The following TMPRSS9 variants were observed in gnomAD, a reference collection of about 807,000 sequenced individuals.
TMPRSS9 encodes the protein transmembrane protease serine 9.
TMPRSS9 carries 113 observed loss-of-function variants against 111.4 expected under a neutral mutation model. The ratio of observed to expected loss-of-function variants is 1.01; its 90% confidence interval spans 0.87 to 1.19. The LOEUF is 1.19. Among genes scored for constraint, TMPRSS9 ranks in the 50% most tolerant of loss-of-function variants. The pLI is 0.00. For missense variants in TMPRSS9, 1,803 were observed against 1,513.1 expected (o/e 1.19, Z -3.18); for synonymous variants, 805 against 659.1 (o/e 1.22, Z -3.39).
chr19:2,392,890 C>A (rs1199980732), intron 1 of TMPRSS9, among the ~76,000 whole-genome samples: 1 of 152,234 alleles, frequency 6.6e-6, no homozygotes, highest in Admixed American at 6.5e-5. Flanking sequence ...ATGCACCAAT[C>A]GCACCAATCA....
intron 1 of TMPRSS9, among the ~76,000 whole-genome samples, chr19:2,382,655 A>G (rs971651124): frequency 1.4e-5 from 2 of 146,350 alleles, no homozygotes; most frequent in African/African-American, 2.5e-5. Context: ...ACATGCACAC[A>G]TACACACATG....
chr19:2,371,424 C>T (rs749403114), intron 1 of TMPRSS9, among the ~76,000 whole-genome samples: 10 of 152,160 alleles, frequency 6.6e-5, no homozygotes, highest in Non-Finnish European at 1.3e-4. Context: ...CAGCGGCTCA[C>T]GCCTGTAATC....
intron 14 of TMPRSS9, 107 bp from the exon 16 acceptor site, chr19:2,423,981 CT>C: frequency 1.7e-6 from 2 of 1,177,670 alleles, no homozygotes; most frequent in Admixed American, 8.5e-5. Flanking sequence ...CCATCACAAC[CT>C]ACTCCCTGGG....
At position 2,415,657 on chromosome 19, in the gene TMPRSS9, GTCC is replaced by G. The variant is rs756074916; in HGVS notation, c.1574-8_1574-6del. ...CCAAGATCCCCAGACCTGGTCTTGT[GTCC>G]TCCTTCCAGAATGTGGGGCCAGGCC... On this transcript the variant is annotated splice_polypyrimidine_tract_variant and intron_variant, in intron 10 of 17. Transcript: ENST00000648592. The G allele has an allele frequency of 1.3e-5, 21 of 1,574,694 alleles. No homozygotes were observed. In the African/African-American group the frequency reaches 2.0e-4, roughly 15 times the overall value.
chr19:2,416,828 A>T lies in TMPRSS9; in HGVS notation c.2017+19A>T. The T allele has an allele frequency of 6.3e-7, 1 of 1,589,084 alleles. No individual in the cohort carries two copies. Reference sequence around the variant, plus strand: ...GGAAATGGTGAGCGCTGCCCCATCGAGGGGAACGGTGGATTTATTCTCCAG... The same window carrying T: ...GGAAATGGTGAGCGCTGCCCCATCGTGGGGAACGGTGGATTTATTCTCCAG... On this transcript the variant is annotated intron_variant, in intron 12 of 17. Transcript: ENST00000648592.
intron 11 of TMPRSS9, chr19:2,416,186 C>T (rs924731044): frequency 4.7e-6 from 2 of 423,934 alleles, no homozygotes; most frequent in Non-Finnish European, 8.4e-6. Context: ...CTGCAGTGAG[C>T]CTGATGGTGC....
intron 1 of TMPRSS9, among the ~76,000 whole-genome samples, chr19:2,362,352 TTGTG>T (rs1419416504): frequency 6.6e-6 from 1 of 151,848 alleles, no homozygotes; most frequent in African/African-American, 2.4e-5. Flanking sequence ...TTGTGCGAGA[TTGTG>T]TGACTGTGCA....
At chr19:2,375,592 A>C (rs970165212) in intron 1 of TMPRSS9, among the ~76,000 whole-genome samples, 1 of 151,510 alleles carries the variant, frequency 6.6e-6, no homozygotes, top group Non-Finnish European at 1.5e-5. Context: ...TCCAGTGTGG[A>C]CCAATCACTG....
chr19:2,421,827 A>C, intron 13 of TMPRSS9, 27 bp from the exon 15 acceptor site: 2 of 1,565,090 alleles, frequency 1.3e-6, no homozygotes, highest in Non-Finnish European at 1.7e-6. Flanking sequence ...CTGGAGGACC[A>C]ACCAGTGCTC....
intron 1 of TMPRSS9, among the ~76,000 whole-genome samples, chr19:2,379,759 TTTTCTCTCTTTC>T (rs145731890): frequency 0.045 from 6,739 of 148,912 alleles, 559 homozygotes; most frequent in African/African-American, 0.16. Flanking sequence ...TCATTCTCTC[TTTTCTCTCTTTC>T]TTTCTCTCTT....
At chr19:2,394,005 A>C (rs893848744) in intron 1 of TMPRSS9, among the ~76,000 whole-genome samples, 4 of 151,742 alleles carry the variant, frequency 2.6e-5, no homozygotes, top group Non-Finnish European at 5.9e-5. Flanking sequence ...GATTGAAACC[A>C]TCCTGGCCAA....
At chr19:2,426,222 T>C (rs1385607513) in exon 18 of TMPRSS9, 4 of 1,169,392 alleles carry the variant, frequency 3.4e-6, no homozygotes, top group Non-Finnish European at 2.4e-6. Context: ...TGCATTTTGG[T>C]ACCACCCTTT....
At chr19:2,391,778 C>T (rs9676415) in intron 1 of TMPRSS9, among the ~76,000 whole-genome samples, 1 of 146,200 alleles carries the variant, frequency 6.8e-6, no homozygotes, top group East Asian at 2.0e-4. Context: ...CACTCTGTCT[C>T]CCAGGCGCGA....
chr19:2,393,950 C>G (rs1192216815), intron 1 of TMPRSS9, among the ~76,000 whole-genome samples: 3 of 150,302 alleles, frequency 2.0e-5, no homozygotes, highest in Admixed American at 6.6e-5. Context: ...CACCTGTAAT[C>G]CCAGCACTCT....
chr19:2,415,777 C>T (rs765108993), exon 11 of TMPRSS9: 1 of 1,609,892 alleles, frequency 6.2e-7, no homozygotes, highest in Non-Finnish European at 8.5e-7. Context: ...AGGGTCCCGG[C>T]ACTTCTGCGG....
At chr19:2,422,503 G>A (rs1259793070) in intron 14 of TMPRSS9, among the ~76,000 whole-genome samples, 1 of 152,152 alleles carries the variant, frequency 6.6e-6, no homozygotes, top group African/African-American at 2.4e-5. Context: ...ATGGCATGAA[G>A]CCGGGAGGCG....
rs3893933 is a variant in TMPRSS9, at chr19:2,410,121, T to G, written c.1118-137T>G. On this transcript the variant is annotated intron_variant, in intron 8 of 17. Transcript: ENST00000648592. ...TTTACCTTTTGTAGTTTCAGAGCCA[T>G]GTGTTGTAGGTGGCCATGCTTGGAG... The G allele has an allele frequency of 0.066, 80,205 of 1,210,252 alleles. 4,743 individuals carry two copies. Among genetic ancestry groups the G allele is most frequent in the East Asian group, 0.3 (12,878 of 42,434 alleles). The allele number at this position is 1,210,252 out of a possible 1,614,324, so 75.0% of individuals were successfully genotyped here.
intron 1 of TMPRSS9, among the ~76,000 whole-genome samples, chr19:2,372,920 C>A (rs574861898): frequency 6.6e-6 from 1 of 152,228 alleles, no homozygotes; most frequent in Non-Finnish European, 1.5e-5. Flanking sequence ...CAGCCTTGAC[C>A]TCGTGGGGAC....
chr19:2,402,399 G>A (rs529104172), intron 5 of TMPRSS9, among the ~76,000 whole-genome samples: 3 of 151,344 alleles, frequency 2.0e-5, no homozygotes, highest in Admixed American at 6.6e-5. Context: ...CTGAGATCAC[G>A]CCACTGCACT....
Sources: allele counts gnomAD v4.1 joint callset (sites outside exome capture counted in the v4.1 genomes callset), GRCh38; gene constraint gnomAD v4.1.1; transcripts MANE v1.5; gene names NCBI Gene and HGNC (gene_info 2026-07-23, HGNC 2026-07-21).